STXBP5L: variants seen among roughly 807,000 people sequenced by gnomAD.
STXBP5L encodes the protein syntaxin binding protein 5L, also known as syntaxin-binding protein 5-like.
STXBP5L carries 65 observed loss-of-function variants against 144.5 expected under a neutral mutation model. The observed-to-expected ratio is 0.45, with a 90% CI of 0.37 to 0.55. The LOEUF is 0.55. Ranked by LOEUF, STXBP5L falls within the 20% of genes least tolerant of loss-of-function variation. STXBP5L has a pLI of 0.00. For missense variants in STXBP5L, 1,298 were observed against 1,405.5 expected (o/e 0.92, Z 1.22); for synonymous variants, 505 against 469.6 (o/e 1.08, Z -0.97).
rs75010027 is a variant in STXBP5L, at chr3:120,937,629, T to G, written c.190-17311T>G. The stretch of plus-strand genomic sequence containing the variant: ...TTCTGATGGATCTAAAGAAAGTTGT[T>G]GATTTTCAGTTTCTTTGCTTTTTTC... On this transcript the variant is annotated intron_variant, in intron 2 of 26. Transcript: ENST00000471454. Among the ~76,000 whole-genome samples, 194 of 152,316 alleles carry G rather than the reference T, an allele frequency of 1.3e-3. 2 individuals are homozygous for G. The East Asian group carries it at 0.015, about 12-fold the overall frequency.
chr3:121,257,346 A>T lies in STXBP5L; in HGVS notation c.1832+13A>T. ...TTCCATGCCTCAAGTAAGAGTTTCTACCAAATTTTCAAACAATTTTAGATA... is the reference window on the plus strand; with the variant it reads ...TTCCATGCCTCAAGTAAGAGTTTCTTCCAAATTTTCAAACAATTTTAGATA... On this transcript the variant is annotated intron_variant, in intron 17 of 26. Transcript: ENST00000471454. The T allele has an allele frequency of 3.8e-6, 6 of 1,582,688 alleles. No individual in the cohort carries two copies. The highest frequency in any genetic ancestry group is 5.2e-6 in the Non-Finnish European group (6 of 1,164,862).
At chr3:121,317,815 C>G (rs2043834324) in intron 19 of STXBP5L, among the ~76,000 whole-genome samples, 1 of 151,834 alleles carries the variant, frequency 6.6e-6, no homozygotes, top group Non-Finnish European at 1.5e-5. Context: ...AAATATAGTG[C>G]TTATTATAAG....
At chr3:121,182,543 G>C (rs551073716) in intron 9 of STXBP5L, among the ~76,000 whole-genome samples, 1 of 152,116 alleles carries the variant, frequency 6.6e-6, no homozygotes, top group South Asian at 2.1e-4. Context: ...AAAGCTTACA[G>C]CATTAAATGC....
intron 9 of STXBP5L, among the ~76,000 whole-genome samples, chr3:121,165,464 C>T (rs1415132500): frequency 1.3e-5 from 2 of 152,102 alleles, no homozygotes; most frequent in South Asian, 2.1e-4. Flanking sequence ...CTTTCTGTGA[C>T]TTCTATTACA....
chr3:120,980,174 C>T (rs1050652036), intron 3 of STXBP5L, among the ~76,000 whole-genome samples: 1 of 152,126 alleles, frequency 6.6e-6, no homozygotes, highest in Non-Finnish European at 1.5e-5. Flanking sequence ...ATGTGCAGAA[C>T]AGGAGAATAT....
At chr3:121,379,751 ATGGAAAAGATT>A (rs1293913883) in intron 21 of STXBP5L, among the ~76,000 whole-genome samples, 1 of 152,172 alleles carries the variant, frequency 6.6e-6, no homozygotes, top group African/African-American at 2.4e-5. Flanking sequence ...TGAACCATGA[ATGGAAAAGATT>A]TGGAGCCATA....
intron 7 of STXBP5L, among the ~76,000 whole-genome samples, chr3:121,132,973 G>T (rs749505747): frequency 1.3e-5 from 2 of 152,154 alleles, no homozygotes; most frequent in Non-Finnish European, 2.9e-5. Flanking sequence ...GAACAGGGAA[G>T]AAGGCTTACG....
chr3:121,077,236 G>A (rs527741271), intron 5 of STXBP5L, among the ~76,000 whole-genome samples: 7 of 152,240 alleles, frequency 4.6e-5, no homozygotes, highest in South Asian at 2.1e-4. Context: ...CTCCACTCCC[G>A]GATGGGTCCC....
intron 16 of STXBP5L, among the ~76,000 whole-genome samples, chr3:121,256,069 G>A (rs2050197557): frequency 6.6e-6 from 1 of 152,052 alleles, no homozygotes; most frequent in Non-Finnish European, 1.5e-5. Context: ...TAAGTCAGTA[G>A]TAGAATGTAG....
chr3:121,313,284 G>T (rs1449993848), intron 19 of STXBP5L, among the ~76,000 whole-genome samples: 1 of 143,048 alleles, frequency 7.0e-6, no homozygotes, highest in Non-Finnish European at 1.5e-5. Context: ...CTTCCCAGTA[G>T]GGGCGGCTGG....
intron 5 of STXBP5L, among the ~76,000 whole-genome samples, chr3:121,110,985 T>C (rs773213489): frequency 2.0e-5 from 3 of 152,194 alleles, no homozygotes; most frequent in Non-Finnish European, 4.4e-5. Context: ...TTCATCAAGA[T>C]AGTCTTCAAG....
rs147608175 is a variant in STXBP5L at position 120,931,845 on chromosome 3, T to C, written c.189+22078T>C. Among the ~76,000 whole-genome samples the C allele has an allele frequency of 2.5e-3, 374 of 152,296 alleles. 5 individuals are homozygous for C. The highest frequency in any genetic ancestry group is 1.7e-3 in the Non-Finnish European group (118 of 68,014). On this transcript the variant is annotated intron_variant, in intron 2 of 26. Coordinates refer to ENST00000471454, the MANE Select transcript of STXBP5L (RefSeq NM_001308330.2). ...GGCTGCCATATTTGTATTTGTTATG[T>C]AATTGTTGGATAACAGCTATTGTTA...
At chr3:121,171,472 C>T (rs576536013) in intron 9 of STXBP5L, among the ~76,000 whole-genome samples, 1 of 152,232 alleles carries the variant, frequency 6.6e-6, no homozygotes, top group East Asian at 1.9e-4. Context: ...CGTCTCAGCC[C>T]AAAATCTCCT....
chr3:120,965,408 C>G (rs187770771), intron 3 of STXBP5L, among the ~76,000 whole-genome samples: 2 of 152,254 alleles, frequency 1.3e-5, no homozygotes, highest in Non-Finnish European at 2.9e-5. Flanking sequence ...TTTGCAGTGG[C>G]TGATACTGGT....
intron 3 of STXBP5L, among the ~76,000 whole-genome samples, chr3:121,015,087 A>G (rs1458295532): frequency 1.3e-5 from 2 of 152,118 alleles, no homozygotes; most frequent in African/African-American, 4.8e-5. Flanking sequence ...GGTTCTTTCC[A>G]AATTGCTAGA....
intron 2 of STXBP5L, among the ~76,000 whole-genome samples, chr3:120,929,913 C>T (rs1325146534): frequency 2.6e-5 from 4 of 151,172 alleles, no homozygotes; most frequent in African/African-American, 7.3e-5. Context: ...CCTTTCATAT[C>T]CCCTTTCTTC....
At chr3:121,051,876 A>G (rs1014036926) in intron 5 of STXBP5L, among the ~76,000 whole-genome samples, 1 of 152,186 alleles carries the variant, frequency 6.6e-6, no homozygotes, top group Non-Finnish European at 1.5e-5. Flanking sequence ...GAAGAATCAA[A>G]TAGATGCAAT....
chr3:121,049,751 C>T (rs1257869791), intron 5 of STXBP5L: 1 of 154,352 alleles, frequency 6.5e-6, no homozygotes, highest in African/African-American at 2.4e-5. Flanking sequence ...CAGCCCCTTT[C>T]CTGGAGACGT....
chr3:121,033,755 A>G (rs1473110458), intron 3 of STXBP5L, among the ~76,000 whole-genome samples: 1 of 151,896 alleles, frequency 6.6e-6, no homozygotes, highest in South Asian at 2.1e-4. Context: ...TGAAAGATAA[A>G]TTATAGTGTT....
Sources: gnomAD v4.1 joint callset for allele counts (sites outside exome capture counted in the v4.1 genomes callset) on GRCh38, gnomAD v4.1.1 for gene constraint, MANE v1.5 for transcripts, NCBI Gene and HGNC (gene_info 2026-07-23, HGNC 2026-07-21) for gene names.